ABI3BP: variants seen among roughly 807,000 people sequenced by gnomAD.
ABI3BP encodes the protein target of Nesh-SH3.
A neutral mutation model predicts 268.6 loss-of-function variants in ABI3BP; 216 were observed. That is an observed-to-expected ratio of 0.80 (90% CI 0.72 to 0.90). The LOEUF is 0.90. Among genes scored for constraint, ABI3BP ranks in the 40% least tolerant of loss-of-function variants. The pLI, the probability that ABI3BP is intolerant of heterozygous loss-of-function variation, is 0.00. For missense variants in ABI3BP, 2,090 were observed against 2,182.4 expected (o/e 0.96, Z 0.84); for synonymous variants, 730 against 730.0 (o/e 1.00, Z 0.00).
intron 1 of ABI3BP, among the ~76,000 whole-genome samples, chr3:100,932,442 C>T (rs1464753596): frequency 1.3e-5 from 2 of 152,102 alleles, no homozygotes; most frequent in African/African-American, 4.8e-5. Flanking sequence ...GCAAACTACT[C>T]ATCTGACAAA....
At chr3:100,901,627 C>G (rs2576395) in intron 3 of ABI3BP, among the ~76,000 whole-genome samples, 152,155 of 152,188 alleles carry the variant, frequency 1, 76,061 homozygotes, top group Middle Eastern at 1. Context: ...TTAGCCGGGC[C>G]TGGTGGTGGG....
chr3:100,816,384 A>G (rs925096583), intron 43 of ABI3BP: 3 of 509,178 alleles, frequency 5.9e-6, no homozygotes, highest in African/African-American at 3.8e-5. Flanking sequence ...ACATGTTTCA[A>G]TGCAGATATA....
chr3:100,847,006 C>T (rs1303482187), intron 19 of ABI3BP, among the ~76,000 whole-genome samples: 1 of 152,130 alleles, frequency 6.6e-6, no homozygotes, highest in African/African-American at 2.4e-5. Flanking sequence ...ATCATTCAAC[C>T]AGTAGCTGAT....
At chr3:100,800,173 A>G (rs1484207923) in intron 51 of ABI3BP, among the ~76,000 whole-genome samples, 1 of 151,250 alleles carries the variant, frequency 6.6e-6, no homozygotes, top group Non-Finnish European at 1.5e-5. Context: ...TTATCTTTCT[A>G]GATTGTTGCA....
chr3:100,816,854 G>T, intron 42 of ABI3BP, 86 bp from the exon 43 acceptor site: 2 of 878,454 alleles, frequency 2.3e-6, no homozygotes, highest in South Asian at 1.6e-5. Context: ...ATATTTCCTT[G>T]AGATTTAAGT....
At chr3:100,840,665 C>G (rs2098681182) in intron 22 of ABI3BP, among the ~76,000 whole-genome samples, 155 bp downstream of exon 22, 1 of 151,922 alleles carries the variant, frequency 6.6e-6, no homozygotes, top group Non-Finnish European at 1.5e-5. Flanking sequence ...TAAACTATAC[C>G]TATAGGAATT....
intron 9 of ABI3BP, among the ~76,000 whole-genome samples, chr3:100,872,035 G>C (rs962121494): frequency 2.0e-5 from 3 of 151,964 alleles, no homozygotes; most frequent in African/African-American, 7.3e-5. Flanking sequence ...GTAAAGATGG[G>C]GTCTTGCTAT....
chr3:100,878,639 G>A (rs973707337), intron 6 of ABI3BP, among the ~76,000 whole-genome samples: 1 of 152,180 alleles, frequency 6.6e-6, no homozygotes, highest in Non-Finnish European at 1.5e-5. Flanking sequence ...ATGGGCAGGA[G>A]GATCCCTTTT....
At chr3:100,946,049 C>A (rs2072030991) in intron 1 of ABI3BP, among the ~76,000 whole-genome samples, 1 of 151,728 alleles carries the variant, frequency 6.6e-6, no homozygotes, top group Admixed American at 6.6e-5. Context: ...TATTTTAAGC[C>A]CTGGGATTTC....
rs547447947 is a variant in ABI3BP at position 100,973,106 on chromosome 3, G to A, written c.79+20200C>T. On this transcript the variant is annotated intron_variant, in intron 1 of 67. Transcript: ENST00000471714. ...GCCCTAAGTGTGGTGCTGAAGGGCT[G>A]TCTGGAGTTTCTGAGCACAAGAAGG... Among the ~76,000 whole-genome samples the A allele has an allele frequency of 1.4e-4, 22 of 152,312 alleles. 1 individual carries two copies. In the South Asian group the frequency reaches 1.7e-3, roughly 11 times the overall value.
intron 2 of ABI3BP, among the ~76,000 whole-genome samples, chr3:100,916,598 A>G (rs2058687296): frequency 1.3e-5 from 2 of 152,202 alleles, no homozygotes; most frequent in South Asian, 2.1e-4. Context: ...TAAGGATTTA[A>G]TAACCCATTT....
chr3:100,811,633 G>A, intron 47 of ABI3BP, 95 bp downstream of exon 47: 1 of 1,259,100 alleles, frequency 7.9e-7, no homozygotes, highest in Non-Finnish European at 1.1e-6. Flanking sequence ...TGTGAATCAA[G>A]TACCACAGCT....
chr3:100,932,086 A>G (rs887432156), intron 1 of ABI3BP, among the ~76,000 whole-genome samples: 4 of 151,696 alleles, frequency 2.6e-5, no homozygotes, highest in Admixed American at 6.6e-5. Context: ...AACAAAGCCG[A>G]AAAAAAACAA....
At chr3:100,838,123 T>TTCTATCTATTTGGA in intron 26 of ABI3BP, 87 bp downstream of exon 26, 3 of 1,369,646 alleles carry the variant, frequency 2.2e-6, no homozygotes, top group Non-Finnish European at 3.0e-6. Flanking sequence ...ATTTCTATGA[T>TTCTATCTATTTGGA]TTATATGATA....
At chr3:100,877,746 A>G (rs972939971) in intron 6 of ABI3BP, among the ~76,000 whole-genome samples, 1 of 152,210 alleles carries the variant, frequency 6.6e-6, no homozygotes, top group African/African-American at 2.4e-5. Context: ...GCCTGTATAC[A>G]TGATACAGAT....
rs1023165089 is a variant in ABI3BP, at chr3:100,993,375, T to C, written c.10A>G (p.Ser4Gly). 12 of 1,552,958 alleles carry C rather than the reference T, an allele frequency of 7.7e-6. No homozygotes were observed. Among genetic ancestry groups the C allele is most frequent in the African/African-American group, 2.7e-5 (2 of 73,192 alleles). The change falls in exon 1 of 68, where the codon AGT (serine) becomes GGT (glycine). Residue 4 changes from serine to glycine, a missense_variant. Physicochemically the swap from Ser to Gly is moderately conservative, Grantham distance 56 (BLOSUM62 0). Transcript: ENST00000471714. MLS[S>G]LGCLLLCGSI... ...CCACAGAGAAGTAGACACCCCAAAC[T>C]GGAGAGCATGTTGCATTTGCCACCT...
intron 1 of ABI3BP, among the ~76,000 whole-genome samples, chr3:100,983,472 G>A (rs1471166426): frequency 6.6e-6 from 1 of 152,126 alleles, no homozygotes; most frequent in Non-Finnish European, 1.5e-5. Flanking sequence ...GAGGTGCTTT[G>A]TTTTTCTTAA....
intron 57 of ABI3BP, among the ~76,000 whole-genome samples, chr3:100,784,124 C>T (rs2096953940): frequency 6.6e-6 from 1 of 152,138 alleles, no homozygotes; most frequent in South Asian, 2.1e-4. Flanking sequence ...AGTGAAATAA[C>T]ATATAAAATA....
At chr3:100,833,938 T>G (rs565773028) in intron 29 of ABI3BP, among the ~76,000 whole-genome samples, 1 of 152,154 alleles carries the variant, frequency 6.6e-6, no homozygotes, top group Non-Finnish European at 1.5e-5. Flanking sequence ...TTTATATGAT[T>G]CCTACCCATC....
Sources: gnomAD v4.1 joint callset for allele counts (sites outside exome capture counted in the v4.1 genomes callset) on GRCh38, gnomAD v4.1.1 for gene constraint, MANE v1.5 for transcripts, NCBI Gene and HGNC (gene_info 2026-07-23, HGNC 2026-07-21) for gene names.